Variants in CHRNA4 observed in about 807,000 individuals in gnomAD.
CHRNA4 encodes the protein cholinergic receptor nicotinic alpha 4 subunit, also known as neuronal acetylcholine receptor subunit alpha-4.
A neutral mutation model predicts 48.9 loss-of-function variants in CHRNA4; 28 were observed. The ratio of observed to expected loss-of-function variants is 0.57; its 90% CI spans 0.42 to 0.79. CHRNA4 has a LOEUF of 0.79. Among genes scored for constraint, CHRNA4 ranks in the 30% least tolerant of loss-of-function variants. CHRNA4 has a pLI of 0.00. For missense variants in CHRNA4, 859 were observed against 898.4 expected, an observed-to-expected ratio of 0.96 and a Z score of 0.56; for synonymous variants, 425 against 402.3, an observed-to-expected ratio of 1.06 and a Z score of -0.68.
intron 1 of CHRNA4, chr20:63,359,907 G>GTGTGCCGGGCGTGCGC (rs2068786187): frequency 2.1e-5 from 9 of 432,548 alleles, no homozygotes; most frequent in Non-Finnish European, 2.9e-5. Flanking sequence ...CTGTGTGTGT[G>GTGTGCCGGGCGTGCGC]TGTGTGTGTG....
intron 2 of CHRNA4, among the ~76,000 whole-genome samples, chr20:63,358,674 C>T (rs1341968890): frequency 6.6e-6 from 1 of 152,190 alleles, no homozygotes; most frequent in Admixed American, 6.5e-5. Context: ...ATGGCCTGCC[C>T]AACCTGCCCT....
intron 4 of CHRNA4, chr20:63,355,417 G>C: frequency 2.2e-6 from 2 of 926,854 alleles, no homozygotes; most frequent in Non-Finnish European, 3.0e-6. Flanking sequence ...GACCTGGCGT[G>C]ACATGTCCTG....
intron 5 of CHRNA4, among the ~76,000 whole-genome samples, chr20:63,348,778 A>C (rs573641709): frequency 6.8e-4 from 61 of 90,186 alleles, no homozygotes; most frequent in African/African-American, 2.5e-3. Flanking sequence ...CTGTCCGTGG[A>C]CCCTGGCCCC....
intron 4 of CHRNA4, chr20:63,355,478 C>T (rs889982768): frequency 3.1e-6 from 4 of 1,276,310 alleles, no homozygotes; most frequent in Middle Eastern, 4.3e-4. Context: ...GCATGAGAAC[C>T]ATCTGGGGCT....
chr20:63,344,546 C>T lies in CHRNA4; in HGVS notation c.*2192G>A, dbSNP rs201015875. 2.3e-4 allele frequency: 105 copies of T among 453,338 alleles called. No homozygotes were observed. Among genetic ancestry groups the T allele is most frequent in the Admixed American group, 1.6e-4 (7 of 42,486 alleles). 28.1% of individuals were successfully genotyped at this position (453,338 alleles called of 1,614,324 possible). ...CTTCCCCCAGGCAAGCGGCCACCCC[C>T]GGCAGGAGGGTCCCCCGGCAGGAGC... On this transcript the variant is annotated 3_prime_UTR_variant, in exon 6 of 6. Transcript: ENST00000370263. This position sits in a 1 kb window ranked among gnomAD's most constrained non-coding sequence, Gnocchi z 4.5.
intron 5 of CHRNA4, among the ~76,000 whole-genome samples, chr20:63,348,112 G>A (rs1340182963): frequency 6.6e-6 from 1 of 152,214 alleles, no homozygotes; most frequent in Non-Finnish European, 1.5e-5. Context: ...TGTCCCCGAG[G>A]TGGCTGCTGT....
chr20:63,359,483 C>G, intron 2 of CHRNA4, 65 bp downstream of exon 2: 1 of 1,604,092 alleles, frequency 6.2e-7, no homozygotes, highest in Non-Finnish European at 8.5e-7. Context: ...TCTGCCCACC[C>G]AGACCCCTGT....
chr20:63,351,161 A>ATCCACGTCCCATGCCCACG, intron 4 of CHRNA4, 134 bp from the exon 5 acceptor site: 3 of 653,936 alleles, frequency 4.6e-6, no homozygotes, highest in Non-Finnish European at 4.8e-6. Context: ...CCACGCCCAC[A>ATCCACGTCCCATGCCCACG]TCCACGTCCA....
At chr20:63,359,487 C>A (rs1271025062) in intron 2 of CHRNA4, 61 bp downstream of exon 2, 6 of 1,605,854 alleles carry the variant, frequency 3.7e-6, no homozygotes, top group Non-Finnish European at 5.1e-6. Flanking sequence ...CCCACCCAGA[C>A]CCCTGTGCTC....
rs1392244929 is a variant in CHRNA4, at chr20:63,345,882, C to A, written c.*856G>T. 2 of 453,362 alleles carry A rather than the reference C, an allele frequency of 4.4e-6. No individual in the cohort carries two copies. The highest frequency in any genetic ancestry group is 8.8e-6 in the Non-Finnish European group (2 of 226,372). 28.1% of individuals were successfully genotyped at this position (453,362 alleles called of 1,614,324 possible). Reference sequence around the variant, plus strand: ...CCTTCCCAGCTCCGGGGAATCACAACACAGAAGTACCCCAGGGGCTGAAGC... The same window carrying A: ...CCTTCCCAGCTCCGGGGAATCACAAAACAGAAGTACCCCAGGGGCTGAAGC... On this transcript the variant is annotated 3_prime_UTR_variant, in exon 6 of 6. Coordinates refer to ENST00000370263, the MANE Select transcript of CHRNA4 (RefSeq NM_000744.7). This position sits in a 1 kb window ranked among gnomAD's most constrained non-coding sequence, Gnocchi z 5.4.
chr20:63,359,799 T>A, intron 1 of CHRNA4, 100 bp from the exon 2 acceptor site: 1 of 1,423,974 alleles, frequency 7.0e-7, no homozygotes, highest in Non-Finnish European at 9.5e-7. Context: ...GCCCAGCACG[T>A]CCACTTCCTT....
Position 63,356,010 on chromosome 20 carries a change from C to T in CHRNA4, c.348G>A (p.Glu116=). ...ENVTSIRIPS[E]LIWRPDIVLY... ...GGACGATGTCCGGCCGCCAGATGAG[C>T]TCGGAGGGGATGCGGATGGAGGTGA... The change falls in exon 4 of 6, where the codon GAG becomes GAA. Residue 116 remains glutamate, a synonymous_variant. Transcript: ENST00000370263. The T allele has an allele frequency of 6.2e-7, 1 of 1,611,232 alleles. No individual in the cohort carries two copies. The highest frequency in any genetic ancestry group is 1.1e-5 in the South Asian group (1 of 90,944).
intron 4 of CHRNA4, chr20:63,351,262 A>ACGTC: frequency 1.4e-5 from 1 of 72,960 alleles, no homozygotes. Flanking sequence ...GTCCACGTCC[A>ACGTC]CACACAGAGG....
Position 63,345,785 on chromosome 20 carries a change from G to A in CHRNA4, c.*953C>T, listed in dbSNP as rs528207024. 7.2e-5 allele frequency: 32 copies of A among 441,864 alleles called. No homozygotes were observed. Among genetic ancestry groups the A allele is most frequent in the African/African-American group, 3.8e-4 (19 of 49,862 alleles). The allele number at this position is 441,864 out of a possible 1,614,324, so 27.4% of individuals were successfully genotyped here. A position where few individuals can be genotyped will look rare whatever the true frequency, so the allele number is the denominator to read the frequency against. ...ACCCAGAGCCCAGGGCGGATCTCCCGGGCTGCGCGCCAAGGTGGAAACCCT... is the reference window on the plus strand; with the variant it reads ...ACCCAGAGCCCAGGGCGGATCTCCCAGGCTGCGCGCCAAGGTGGAAACCCT... On this transcript the variant is annotated 3_prime_UTR_variant, in exon 6 of 6. Coordinates refer to ENST00000370263, the MANE Select transcript of CHRNA4 (RefSeq NM_000744.7). The surrounding 1 kb of genome is among the most constrained non-coding windows in gnomAD (Gnocchi z 5.4).
Position 63,361,328 on chromosome 20 carries a change from C to T in CHRNA4, c.-163G>A, listed in dbSNP as rs1374415514. 1.8e-6 allele frequency: 2 copies of T among 1,128,076 alleles called. No individual in the cohort carries two copies. Among genetic ancestry groups the T allele is most frequent in the East Asian group, 4.8e-5 (1 of 21,022 alleles). The allele number at this position is 1,128,076 out of a possible 1,614,324, so 69.9% of individuals were successfully genotyped here. A position where few individuals can be genotyped will look rare whatever the true frequency, so the allele number is the denominator to read the frequency against. On this transcript the variant is annotated 5_prime_UTR_variant, in exon 1 of 6. Transcript: ENST00000370263. ...GGGGCGCGGTGCGGCGGCGGCGCGG[C>T]AGGGAGCGCCGGGCTGTGGGCTCCG...
At position 63,346,339 on chromosome 20, in the gene CHRNA4, G is replaced by C. The variant is rs1246182430; in HGVS notation, c.*399C>G. 4.3e-6 allele frequency: 2 copies of C among 462,472 alleles called. No homozygotes were observed. Among genetic ancestry groups the C allele is most frequent in the Non-Finnish European group, 8.6e-6 (2 of 232,428 alleles). The allele number at this position is 462,472 out of a possible 1,614,324, so 28.6% of individuals were successfully genotyped here. ...AAGACGGGGCGCTTGGGGCTGAAGGGGCGTGAACTCCCTTCAAGGGCCCCT... is the reference window on the plus strand; with the variant it reads ...AAGACGGGGCGCTTGGGGCTGAAGGCGCGTGAACTCCCTTCAAGGGCCCCT... On this transcript the variant is annotated 3_prime_UTR_variant, in exon 6 of 6. Coordinates refer to ENST00000370263, the MANE Select transcript of CHRNA4 (RefSeq NM_000744.7).
rs750325388 is a variant in CHRNA4, at chr20:63,359,577, C to T, written c.199G>A (p.Gly67Ser). The T allele has an allele frequency of 1.5e-5, 24 of 1,612,592 alleles. No individual in the cohort carries two copies. Among genetic ancestry groups the T allele is most frequent in the Non-Finnish European group, 1.9e-5 (23 of 1,179,936 alleles). Reference protein sequence around the residue: ...NISDVVLVRFGLSIAQLIDVD... With the variant: ...NISDVVLVRFSLSIAQLIDVD... ...TCAATGAGCTGAGCGATGGACAGGC[C>T]GAAGCGGACGAGGACCACGTCCGAG... The change falls in exon 2 of 6, where the codon GGC (glycine) becomes AGC (serine). Residue 67 changes from glycine (G) to serine (S), a missense_variant. Gly to Ser is a moderately conservative substitution (Grantham distance 56). Coordinates refer to ENST00000370263, the MANE Select transcript of CHRNA4 (RefSeq NM_000744.7).
rs1331952174 is a variant in CHRNA4 at position 63,345,858 on chromosome 20, C to A, written c.*880G>T. ...CCCAGGTCTGGACTCCATTCGGGAC[C>A]TTCCCAGCTCCGGGGAATCACAACA... On this transcript the variant is annotated 3_prime_UTR_variant, in exon 6 of 6. Coordinates refer to ENST00000370263, the MANE Select transcript of CHRNA4 (RefSeq NM_000744.7). This position sits in a 1 kb window ranked among gnomAD's most constrained non-coding sequence, Gnocchi z 5.4. The A allele has an allele frequency of 2.2e-6, 1 of 452,712 alleles. No homozygotes were observed. The highest frequency in any genetic ancestry group is 2.4e-5 in the Admixed American group (1 of 42,516). 28.0% of individuals were successfully genotyped at this position (452,712 alleles called of 1,614,324 possible).
At chr20:63,349,457 G>C (rs772890011) in intron 5 of CHRNA4, 196 bp downstream of exon 5, 12 of 727,038 alleles carry the variant, frequency 1.7e-5, no homozygotes, top group Non-Finnish European at 1.4e-5. Context: ...GGGGCCCCCT[G>C]CCCCGCTCAG....
Sources: allele counts gnomAD v4.1 joint callset (sites outside exome capture counted in the v4.1 genomes callset), GRCh38; gene constraint gnomAD v4.1.1; non-coding constraint Gnocchi (gnomAD v3.1); transcripts MANE v1.5; gene names NCBI Gene and HGNC (gene_info 2026-07-23, HGNC 2026-07-21).